Variants in TJP2 observed in about 807,000 individuals in gnomAD.
TJP2 encodes the protein Friedreich ataxia region gene X104 (tight junction protein ZO-2).
A neutral mutation model predicts 133.1 loss-of-function variants in TJP2; 91 were observed. That is an observed-to-expected ratio of 0.68 (90% CI 0.58 to 0.81). TJP2 has a LOEUF of 0.81. TJP2 is among the 40% of genes least tolerant of loss of function. The pLI, the probability that TJP2 is intolerant of heterozygous loss-of-function variation, is 0.00. For missense variants in TJP2, 1,541 were observed against 1,565.6 expected, an observed-to-expected ratio of 0.98 and a Z score of 0.26; for synonymous variants, 592 against 583.4, an observed-to-expected ratio of 1.01 and a Z score of -0.21.
At chr9:69,197,114 G>A (rs1826636088) in intron 1 of TJP2, among the ~76,000 whole-genome samples, 3 of 151,966 alleles carry the variant, frequency 2.0e-5, no homozygotes, top group Admixed American at 6.6e-5. Flanking sequence ...GATTACAAGT[G>A]CCACCACACC....
At chr9:69,162,676 AG>A (rs893097601) in intron 2 of TJP2, among the ~76,000 whole-genome samples, 3 of 152,256 alleles carry the variant, frequency 2.0e-5, no homozygotes, top group Non-Finnish European at 4.4e-5. Context: ...ATGTAGAAAT[AG>A]GTTGCAAAAG....
chr9:69,237,767 C>G (rs1467995554), intron 14 of TJP2, 111 bp from the exon 15 acceptor site: 1 of 789,566 alleles, frequency 1.3e-6, no homozygotes, highest in Non-Finnish European at 2.2e-6. Flanking sequence ...GGGGAGAAAC[C>G]ACAGTTTCTT....
Position 69,248,002 on chromosome 9 carries a change from A to T in TJP2, c.2668-10A>T. 6.3e-7 allele frequency: 1 copy of T among 1,584,764 alleles called. No homozygotes were observed. The highest frequency in any genetic ancestry group is 8.6e-7 in the Non-Finnish European group (1 of 1,162,298). On this transcript the variant is annotated splice_polypyrimidine_tract_variant and intron_variant, in intron 18 of 22. Transcript: ENST00000377245. ...AGACCCCACTGACCGTCCAACACAA[A>T]TTCCTCTAGATGGAAGGGATGGATG... is the stretch of plus-strand genomic sequence containing the variant.
intron 1 of TJP2, 42 bp from the exon 2 acceptor site, chr9:69,212,505 AG>A: frequency 6.9e-7 from 1 of 1,442,050 alleles, no homozygotes; most frequent in Non-Finnish European, 9.8e-7. Flanking sequence ...AGCATTGAAA[AG>A]GTTGTGGTTT....
intron 1 of TJP2, among the ~76,000 whole-genome samples, chr9:69,139,876 G>GT (rs921560677): frequency 1.3e-5 from 2 of 152,154 alleles, no homozygotes; most frequent in Non-Finnish European, 2.9e-5. Flanking sequence ...CTGCCACAGA[G>GT]TCCCCTGGGG....
chr9:69,166,013 C>T (rs1824332679), intron 2 of TJP2, among the ~76,000 whole-genome samples: 1 of 152,208 alleles, frequency 6.6e-6, no homozygotes, highest in Non-Finnish European at 1.5e-5. Flanking sequence ...AGACTACAGT[C>T]ATCTCCTTCC....
intron 1 of TJP2, among the ~76,000 whole-genome samples, chr9:69,201,454 C>T (rs1427900258): frequency 6.6e-6 from 1 of 151,808 alleles, no homozygotes; most frequent in Non-Finnish European, 1.5e-5. Context: ...CCTGTCCTTT[C>T]CTTCAGACCT....
rs1458132841 is a variant in TJP2, at chr9:69,197,668, T to C, written c.61-14880T>C. Among the ~76,000 whole-genome samples the C allele has an allele frequency of 2.6e-5, 4 of 152,222 alleles. No homozygotes were observed. The East Asian group carries it at 7.7e-4, about 29-fold the overall frequency. On this transcript the variant is annotated intron_variant, in intron 1 of 22. Coordinates refer to ENST00000377245, the MANE Select transcript of TJP2 (RefSeq NM_004817.4). ...CTGTGATGGGTACTGAGCAATGCTCTCCAGAAGCATTACTTTATTCAGTTC... is the reference window on the plus strand; with the variant it reads ...CTGTGATGGGTACTGAGCAATGCTCCCCAGAAGCATTACTTTATTCAGTTC...
chr9:69,131,224 T>C (rs1433976113), intron 1 of TJP2, among the ~76,000 whole-genome samples: 1 of 152,234 alleles, frequency 6.6e-6, no homozygotes, highest in Non-Finnish European at 1.5e-5. Context: ...GTTTGTGTCC[T>C]TGTGTGTATT....
chr9:69,151,853 T>C (rs1823492388), intron 2 of TJP2: 4 of 1,214,300 alleles, frequency 3.3e-6, no homozygotes, highest in African/African-American at 1.6e-5. Context: ...TTTCACATTC[T>C]AGAGGTAGTC....
chr9:69,218,282 A>G lies in TJP2; in HGVS notation c.265A>G (p.Asn89Asp), dbSNP rs1224289516. The G allele has an allele frequency of 4.3e-6, 7 of 1,614,128 alleles. No homozygotes were observed. The highest frequency in any genetic ancestry group is 5.9e-6 in the Non-Finnish European group (7 of 1,179,952). ...LQENDRVVMV[N>D]GTPMEDVLHS... ...AGAAAATGACAGAGTGGTCATGGTC[A>G]ATGGCACCCCCATGGAGGATGTGCT... Residue 89 changes from asparagine to aspartate, a missense_variant, in exon 4 of 23, where the codon AAT becomes GAT. Transcript: ENST00000377245.
At position 69,254,637 on chromosome 9, in the gene TJP2, C is replaced by G; in HGVS notation, c.*263C>G. On this transcript the variant is annotated 3_prime_UTR_variant, in exon 23 of 23. Coordinates refer to ENST00000377245, the MANE Select transcript of TJP2 (RefSeq NM_004817.4). ...CACTGCAGTCAGATCCTGTTACTTG[C>G]TTCAGTGGACCGAAATCTGTATTCT... The G allele has an allele frequency of 1.7e-6, 1 of 597,880 alleles. No individual in the cohort carries two copies. Among genetic ancestry groups the G allele is most frequent in the Non-Finnish European group, 3.0e-6 (1 of 334,644 alleles). 37.0% of individuals were successfully genotyped at this position (597,880 alleles called of 1,614,324 possible).
At chr9:69,239,912 C>CT (rs1830467674) in intron 16 of TJP2, 25 bp from the exon 17 acceptor site, 1 of 1,591,130 alleles carries the variant, frequency 6.3e-7, no homozygotes, top group Non-Finnish European at 8.6e-7. Flanking sequence ...ATCCATTTCT[C>CT]TAACTTTTCC....
chr9:69,233,609 C>G (rs780188959), intron 11 of TJP2, among the ~76,000 whole-genome samples: 1 of 152,080 alleles, frequency 6.6e-6, no homozygotes, highest in Non-Finnish European at 1.5e-5. Flanking sequence ...CTTGTCTCTA[C>G]TGAAAATACA....
At chr9:69,186,664 C>T (rs1228990924) in intron 1 of TJP2, among the ~76,000 whole-genome samples, 2 of 152,126 alleles carry the variant, frequency 1.3e-5, no homozygotes, top group Non-Finnish European at 1.5e-5. Context: ...CTAATTCACT[C>T]CTTTTGGCAA....
intron 1 of TJP2, among the ~76,000 whole-genome samples, chr9:69,210,619 A>C (rs1827822611): frequency 6.6e-6 from 1 of 152,030 alleles, no homozygotes; most frequent in Middle Eastern, 3.2e-3. Flanking sequence ...CCTTCATTTA[A>C]TCTAAATCTT....
At chr9:69,161,998 C>T (rs1255294481) in intron 2 of TJP2, among the ~76,000 whole-genome samples, 1 of 149,992 alleles carries the variant, frequency 6.7e-6, no homozygotes, top group African/African-American at 2.4e-5. Context: ...GAACCAAGAT[C>T]ATGCCATGGT....
At chr9:69,214,646 A>G (rs1828211097) in intron 2 of TJP2, among the ~76,000 whole-genome samples, 1 of 152,160 alleles carries the variant, frequency 6.6e-6, no homozygotes, top group Non-Finnish European at 1.5e-5. Context: ...AGACAGGTGG[A>G]TCACAAGGTC....
chr9:69,157,509 A>C (rs1026829344), intron 2 of TJP2, among the ~76,000 whole-genome samples: 1 of 149,320 alleles, frequency 6.7e-6, no homozygotes, highest in African/African-American at 2.5e-5. Context: ...TCTGTCGCCC[A>C]GGCTGGATTA....
Sources: gnomAD v4.1 joint callset for allele counts (sites outside exome capture counted in the v4.1 genomes callset) on GRCh38, gnomAD v4.1.1 for gene constraint, MANE v1.5 for transcripts, NCBI Gene and HGNC (gene_info 2026-07-23, HGNC 2026-07-21) for gene names.